Variants in ST6GALNAC3 observed in about 807,000 individuals in gnomAD.
ST6GALNAC3 encodes alpha-N-acetylgalactosaminide alpha-2,6-sialyltransferase 3.
A neutral mutation model predicts 32.7 loss-of-function variants in ST6GALNAC3; 25 were observed. That is an observed-to-expected ratio of 0.76 (90% confidence interval 0.56 to 1.07). The LOEUF is 1.07. Ranked by LOEUF, ST6GALNAC3 falls within the 50% of genes least tolerant of loss-of-function variation. The pLI is 0.00. For missense variants in ST6GALNAC3, 355 were observed against 382.4 expected, an observed-to-expected ratio of 0.93 and a Z score of 0.60; for synonymous variants, 129 against 133.1, an observed-to-expected ratio of 0.97 and a Z score of 0.21.
intron 1 of ST6GALNAC3, among the ~76,000 whole-genome samples, chr1:76,197,057 G>T (rs886720242): frequency 6.6e-6 from 1 of 152,152 alleles, no homozygotes; most frequent in Non-Finnish European, 1.5e-5. Context: ...AGATGGCTGG[G>T]TTCCAAAAAC....
At chr1:76,342,147 G>A (rs2100995708) in intron 2 of ST6GALNAC3, among the ~76,000 whole-genome samples, 1 of 152,180 alleles carries the variant, frequency 6.6e-6, no homozygotes, top group East Asian at 1.9e-4. Flanking sequence ...CTTTGCTATT[G>A]TGAATAGTGC....
chr1:76,467,949 G>A (rs1200418879), intron 3 of ST6GALNAC3, among the ~76,000 whole-genome samples: 11 of 151,934 alleles, frequency 7.2e-5, no homozygotes. Flanking sequence ...TAACGCCAGT[G>A]AGGAGCTTGC....
intron 1 of ST6GALNAC3, among the ~76,000 whole-genome samples, chr1:76,313,262 C>T (rs115380508): frequency 7.0e-4 from 106 of 152,096 alleles, no homozygotes; most frequent in Non-Finnish European, 1.1e-3. Flanking sequence ...ATGTAAGGTA[C>T]CATGTTAAGA....
chr1:76,538,118 C>T (rs961441636), intron 3 of ST6GALNAC3, among the ~76,000 whole-genome samples: 12 of 152,258 alleles, frequency 7.9e-5, no homozygotes, highest in African/African-American at 2.9e-4. Context: ...CAAAAATCCT[C>T]AATAAAATAC....
chr1:76,091,469 A>C (rs1647044932), intron 1 of ST6GALNAC3, among the ~76,000 whole-genome samples: 1 of 152,180 alleles, frequency 6.6e-6, no homozygotes. Flanking sequence ...CCTGACTTAG[A>C]ATGTGGCTCC....
intron 3 of ST6GALNAC3, among the ~76,000 whole-genome samples, chr1:76,564,233 G>A (rs1665414817): frequency 6.6e-6 from 1 of 152,164 alleles, no homozygotes; most frequent in Admixed American, 6.5e-5. Flanking sequence ...GGACCCAGTG[G>A]GAGATAAAGA....
intron 2 of ST6GALNAC3, among the ~76,000 whole-genome samples, chr1:76,348,819 G>A (rs1326085434): frequency 6.6e-6 from 1 of 152,016 alleles, no homozygotes; most frequent in Non-Finnish European, 1.5e-5. Flanking sequence ...GTCTAACAAT[G>A]TGCCAGCCAC....
rs748376165 is a variant in ST6GALNAC3, at chr1:76,595,661, C to A, written c.624-31791C>A. ...TGATGTGTAATTTTCAATGCACTGT[C>A]AATAACTATCAATAACATCATACAC... On this transcript the variant is annotated intron_variant, in intron 3 of 4. Coordinates refer to ENST00000328299, the MANE Select transcript of ST6GALNAC3 (RefSeq NM_152996.4). Among the ~76,000 whole-genome samples the A allele has an allele frequency of 2.8e-4, 39 of 140,616 alleles. 1 individual carries two copies. Among genetic ancestry groups the A allele is most frequent in the Non-Finnish European group, 7.7e-5 (5 of 64,670 alleles). The allele number at this position is 140,616 out of a possible 152,430, so 92.2% of individuals were successfully genotyped here.
At chr1:76,248,203 C>G (rs1190277728) in intron 1 of ST6GALNAC3, among the ~76,000 whole-genome samples, 2 of 152,194 alleles carry the variant, frequency 1.3e-5, no homozygotes, top group Non-Finnish European at 2.9e-5. Flanking sequence ...AGGAATCACC[C>G]TCCTTCTGCA....
At position 76,246,627 on chromosome 1, in the gene ST6GALNAC3, T is replaced by C. The variant is rs140290832; in HGVS notation, c.19-67178T>C. ...TGATACTTGTGTATGCTTCATGAAG[T>C]TCTCATGCTGTGTTTTTCAGCTCCA... is the stretch of plus-strand genomic sequence containing the variant. On this transcript the variant is annotated intron_variant, in intron 1 of 4. Coordinates refer to ENST00000328299, the MANE Select transcript of ST6GALNAC3 (RefSeq NM_152996.4). Among the ~76,000 whole-genome samples the C allele has an allele frequency of 3.3e-3, 498 of 152,294 alleles. 6 individuals are homozygous for C. The highest frequency in any genetic ancestry group is 0.011 in the African/African-American group (466 of 41,570).
intron 3 of ST6GALNAC3, among the ~76,000 whole-genome samples, chr1:76,446,986 C>T (rs1031128456): frequency 2.0e-5 from 3 of 152,080 alleles, no homozygotes; most frequent in Non-Finnish European, 2.9e-5. Context: ...TACCTAAAAA[C>T]GTGGAAGCAA....
chr1:76,609,646 T>C (rs1647789886), intron 3 of ST6GALNAC3, among the ~76,000 whole-genome samples: 2 of 152,266 alleles, frequency 1.3e-5, no homozygotes, highest in East Asian at 1.9e-4. Flanking sequence ...ATCAAATCAT[T>C]TGGAGGAAAT....
rs1161245308 is a variant in ST6GALNAC3, at chr1:76,633,413, G to C, written c.*4607G>C. ...TGATTGTCTACACTTTCTTCTCTCTGTTTGTTGCTATTGGTAAGGCTAGGC... is the reference window on the plus strand; with the variant it reads ...TGATTGTCTACACTTTCTTCTCTCTCTTTGTTGCTATTGGTAAGGCTAGGC... On this transcript the variant is annotated 3_prime_UTR_variant, in exon 5 of 5. Transcript: ENST00000328299. 2 of 152,148 alleles carry C rather than the reference G, an allele frequency of 1.3e-5. No homozygotes were observed. Among genetic ancestry groups the C allele is most frequent in the East Asian group, 3.9e-4 (2 of 5,192 alleles). The allele number at this position is 152,148 out of a possible 1,614,324, so 9.4% of individuals were successfully genotyped here. A position where few individuals can be genotyped will look rare whatever the true frequency, so the allele number is the denominator to read the frequency against.
chr1:76,234,944 T>A (rs1223378968), intron 1 of ST6GALNAC3, among the ~76,000 whole-genome samples: 1 of 152,154 alleles, frequency 6.6e-6, no homozygotes, highest in Non-Finnish European at 1.5e-5. Context: ...TAACATTACC[T>A]TTTTCCCAAA....
chr1:76,587,019 T>A (rs1006140780), intron 3 of ST6GALNAC3, among the ~76,000 whole-genome samples: 4 of 152,344 alleles, frequency 2.6e-5, no homozygotes, highest in South Asian at 2.1e-4. Flanking sequence ...GTGTGTCCAT[T>A]TGCAGTCAGT....
intron 2 of ST6GALNAC3, among the ~76,000 whole-genome samples, chr1:76,371,692 A>G (rs1214472963): frequency 6.6e-6 from 1 of 152,142 alleles, no homozygotes; most frequent in Non-Finnish European, 1.5e-5. Context: ...TTTGAATGAC[A>G]ATATTTTATG....
At chr1:76,531,265 G>GT in intron 3 of ST6GALNAC3, among the ~76,000 whole-genome samples, 1 of 152,214 alleles carries the variant, frequency 6.6e-6, no homozygotes, top group East Asian at 1.9e-4. Flanking sequence ...GCAGGCTTTT[G>GT]TTTTTATTAG....
intron 1 of ST6GALNAC3, among the ~76,000 whole-genome samples, chr1:76,233,784 TA>T (rs1656497604): frequency 6.6e-6 from 1 of 152,220 alleles, no homozygotes; most frequent in Admixed American, 6.5e-5. Context: ...GTTACATGGA[TA>T]TATTACAGTA....
At chr1:76,376,914 C>T (rs1472061304) in intron 2 of ST6GALNAC3, among the ~76,000 whole-genome samples, 2 of 152,024 alleles carry the variant, frequency 1.3e-5, no homozygotes, top group African/African-American at 2.4e-5. Flanking sequence ...GAATAGTTCT[C>T]TTAGTGGTTA....
Sources: allele counts gnomAD v4.1 joint callset (sites outside exome capture counted in the v4.1 genomes callset), GRCh38; gene constraint gnomAD v4.1.1; transcripts MANE v1.5; gene names NCBI Gene and HGNC (gene_info 2026-07-23, HGNC 2026-07-21).